The following CPD variants were observed in gnomAD, a reference collection of about 807,000 sequenced individuals.
The protein encoded by CPD is carboxypeptidase D, also known as metallocarboxypeptidase D.
A neutral mutation model predicts 138.3 loss-of-function variants in CPD; 69 were observed. That is an observed-to-expected ratio of 0.50 (90% CI 0.41 to 0.61). The LOEUF is 0.61. CPD is among the 20% of genes least tolerant of loss of function. The pLI is 0.00. For synonymous variants in CPD, 651 were observed against 642.1 expected, an observed-to-expected ratio of 1.01 and a Z score of -0.21; for missense variants, 1,432 against 1,733.3, an observed-to-expected ratio of 0.83 and a Z score of 3.09.
At chr17:30,389,668 G>A (rs183559974) in intron 2 of CPD, among the ~76,000 whole-genome samples, 6 of 152,302 alleles carry the variant, frequency 3.9e-5, no homozygotes, top group South Asian at 2.1e-4. Flanking sequence ...TCTACAAAAC[G>A]TAGGTGTACT....
chr17:30,434,829 A>G (rs17731187), intron 8 of CPD, among the ~76,000 whole-genome samples: 6,678 of 152,150 alleles, frequency 0.044, 223 homozygotes, highest in Non-Finnish European at 0.063. Flanking sequence ...AGGTACCTGG[A>G]TTTTGCTAGA....
At chr17:30,446,070 C>G in intron 12 of CPD, 50 bp downstream of exon 12, 1 of 1,253,654 alleles carries the variant, frequency 8.0e-7, no homozygotes, top group Non-Finnish European at 1.1e-6. Flanking sequence ...ACAGTAAAAT[C>G]AGCATTAGCC....
chr17:30,386,442 T>TATATATATATATATATACATAC (rs1279595060), intron 2 of CPD, among the ~76,000 whole-genome samples: 1 of 152,204 alleles, frequency 6.6e-6, no homozygotes, highest in African/African-American at 2.4e-5. Context: ...CATATATATA[T>TATATATATATATATATACATAC]ACATAACATG....
At chr17:30,406,662 G>A (rs1256513564) in intron 2 of CPD, among the ~76,000 whole-genome samples, 1 of 152,106 alleles carries the variant, frequency 6.6e-6, no homozygotes, top group Non-Finnish European at 1.5e-5. Flanking sequence ...CTCAAGCCTG[G>A]GGATTATAGT....
chr17:30,434,704 T>A (rs1912654522), intron 8 of CPD, among the ~76,000 whole-genome samples: 1 of 150,982 alleles, frequency 6.6e-6, no homozygotes, highest in Non-Finnish European at 1.5e-5. Context: ...AGATGGTGAA[T>A]GGGAAAAGGA....
chr17:30,439,294 G>T (rs148854595), intron 9 of CPD, among the ~76,000 whole-genome samples: 4 of 151,148 alleles, frequency 2.6e-5, no homozygotes, highest in Non-Finnish European at 5.9e-5. Flanking sequence ...TTGATTAAAT[G>T]GTTACATTTT....
At chr17:30,403,687 A>G (rs1452029064) in intron 2 of CPD, among the ~76,000 whole-genome samples, 1 of 152,204 alleles carries the variant, frequency 6.6e-6, no homozygotes, top group African/African-American at 2.4e-5. Flanking sequence ...ACATGGATAC[A>G]TTGCTGGTGG....
chr17:30,402,271 T>G lies in CPD; in HGVS notation c.994+17035T>G, dbSNP rs556169055. ...CTTTTACTTTAAGACTGTTTAATCT[T>G]ACTTCCTTGGAAGGCTGGGCGTGGT... On this transcript the variant is annotated intron_variant, in intron 2 of 20. Transcript: ENST00000225719. 2.6e-5 allele frequency among the ~76,000 whole-genome samples: 4 copies of G among 152,268 alleles called. No individual in the cohort carries two copies. The East Asian group carries it at 7.7e-4, about 29-fold the overall frequency.
chr17:30,425,833 G>T (rs1912391226), intron 6 of CPD, among the ~76,000 whole-genome samples: 1 of 152,050 alleles, frequency 6.6e-6, no homozygotes, highest in African/African-American at 2.4e-5. Context: ...AAAGATAATG[G>T]TTTTACCTCT....
At chr17:30,423,151 TA>T in intron 5 of CPD, 128 bp downstream of exon 5, 1 of 703,524 alleles carries the variant, frequency 1.4e-6, no homozygotes, top group African/African-American at 1.8e-5. Context: ...TAACTAAAAT[TA>T]AAAGAAAGCA....
At chr17:30,448,089 C>T (rs1463883244) in intron 12 of CPD, among the ~76,000 whole-genome samples, 1 of 152,214 alleles carries the variant, frequency 6.6e-6, no homozygotes, top group Non-Finnish European at 1.5e-5. Flanking sequence ...ACTTAACTTT[C>T]TTTGGCAATA....
intron 7 of CPD, among the ~76,000 whole-genome samples, chr17:30,431,198 G>A (rs1290348888): frequency 2.0e-5 from 3 of 152,164 alleles, no homozygotes; most frequent in East Asian, 3.9e-4. Context: ...GTTTTGGTGT[G>A]CATTTCCACA....
intron 8 of CPD, 95 bp from the exon 9 acceptor site, chr17:30,438,880 G>A (rs1293725096): frequency 5.4e-6 from 4 of 741,816 alleles, no homozygotes; most frequent in Admixed American, 6.7e-5. Flanking sequence ...ATACCCTGTT[G>A]GAAGCCACTT....
At chr17:30,452,282 C>CT (rs1169994571) in intron 14 of CPD, among the ~76,000 whole-genome samples, 4,893 of 139,940 alleles carry the variant, frequency 0.035, 250 homozygotes, top group African/African-American at 0.11. Flanking sequence ...CATTCTTTTT[C>CT]TTTTTTTTTT....
intron 11 of CPD, among the ~76,000 whole-genome samples, chr17:30,444,516 CTTTTTTTTTTT>C (rs34419729): frequency 4.1e-5 from 5 of 120,852 alleles, no homozygotes; most frequent in Admixed American, 8.2e-5. Context: ...ATGCTAGTAA[CTTTTTTTTTTT>C]TTTTTTTTTT....
In CPD at chr17:30,403,979, A is replaced by C. The variant is rs117786584; in HGVS notation, c.995-16862A>C. Among the ~76,000 whole-genome samples the C allele has an allele frequency of 1.2e-4, 19 of 152,236 alleles. No individual in the cohort carries two copies. The East Asian group carries it at 3.5e-3, about 28-fold the overall frequency. On this transcript the variant is annotated intron_variant, in intron 2 of 20. Coordinates refer to ENST00000225719, the MANE Select transcript of CPD (RefSeq NM_001304.5). ...AAGAATATAGATGAGTCTCAAAAGCATTATGCTAAGTGAAAGAAGCCTAAT... is the reference window on the plus strand; with the variant it reads ...AAGAATATAGATGAGTCTCAAAAGCCTTATGCTAAGTGAAAGAAGCCTAAT...
chr17:30,448,838 C>T (rs1828368273), intron 12 of CPD, among the ~76,000 whole-genome samples: 1 of 151,848 alleles, frequency 6.6e-6, no homozygotes, highest in East Asian at 1.9e-4. Context: ...GGTGGTGGCG[C>T]ATGCTGTAAT....
rs1567881084 is a variant in CPD at position 30,445,893 on chromosome 17, G to A, written c.2746G>A (p.Glu916Lys). Reference sequence around the variant, plus strand: ...AGACCTTTCAGCGGAGAATGGTTTGGAAAGCCTCATGTTACGCTCCTCCTC... The same window carrying A: ...AGACCTTTCAGCGGAGAATGGTTTGAAAAGCCTCATGTTACGCTCCTCCTC... ...IKDLSAENGL[E>K]SLMLRSSSNL... The change falls in exon 12 of 21, where the codon GAA (glutamate) becomes AAA (lysine). Residue 916 changes from glutamate (E) to lysine (K), a missense_variant. Coordinates refer to ENST00000225719, the MANE Select transcript of CPD (RefSeq NM_001304.5). The A allele has an allele frequency of 2.5e-6, 4 of 1,614,120 alleles. No homozygotes were observed. The highest frequency in any genetic ancestry group is 3.4e-6 in the Non-Finnish European group (4 of 1,179,990).
At chr17:30,442,270 C>A (rs761123005) in intron 9 of CPD, 38 bp from the exon 10 acceptor site, 23 of 1,596,606 alleles carry the variant, frequency 1.4e-5, no homozygotes, top group Non-Finnish European at 1.9e-5. Context: ...CTGTTTAGAA[C>A]TTCTTCAGAG....
Sources: allele counts gnomAD v4.1 joint callset (sites outside exome capture counted in the v4.1 genomes callset), GRCh38; gene constraint gnomAD v4.1.1; transcripts MANE v1.5; gene names NCBI Gene and HGNC (gene_info 2026-07-23, HGNC 2026-07-21).